Variants in FRMD5 observed in about 807,000 individuals in gnomAD.
FRMD5 encodes FERM domain-containing protein 5.
A neutral mutation model predicts 69.0 loss-of-function variants in FRMD5; 20 were observed. The observed-to-expected ratio is 0.29, with a 90% CI of 0.20 to 0.42. The LOEUF is 0.42. Among genes scored for constraint, FRMD5 ranks in the 10% least tolerant of loss-of-function variants. FRMD5 has a pLI of 1.00. For missense variants in FRMD5, 595 were observed against 708.6 expected (o/e 0.84, Z 1.82); for synonymous variants, 271 against 260.1 (o/e 1.04, Z -0.40).
intron 1 of FRMD5, among the ~76,000 whole-genome samples, chr15:43,988,849 C>G (rs1042735809): frequency 5.9e-5 from 9 of 152,060 alleles, no homozygotes; most frequent in Non-Finnish European, 1.3e-4. Flanking sequence ...GAACAATGTA[C>G]AATGAAAGTC....
intron 1 of FRMD5, among the ~76,000 whole-genome samples, chr15:43,937,321 G>A (rs149738974): frequency 5.9e-5 from 9 of 152,184 alleles, no homozygotes; most frequent in South Asian, 2.1e-4. Flanking sequence ...AATAAACTCC[G>A]GGACAGAGTT....
chr15:44,036,099 T>C (rs1045620459), intron 1 of FRMD5, among the ~76,000 whole-genome samples: 7 of 152,154 alleles, frequency 4.6e-5, no homozygotes, highest in Admixed American at 2.0e-4. Flanking sequence ...TAACGCAGCA[T>C]TGCCCATAAT....
chr15:43,875,926 C>A, intron 13 of FRMD5: 2 of 1,003,872 alleles, frequency 2.0e-6, no homozygotes, highest in Non-Finnish European at 3.2e-6. Context: ...ACAGGCTTAT[C>A]CATCACACTT....
intron 1 of FRMD5, among the ~76,000 whole-genome samples, chr15:44,132,063 A>C (rs577357289): frequency 6.6e-6 from 1 of 152,304 alleles, no homozygotes; most frequent in African/African-American, 2.4e-5. Context: ...AATGGGAGAC[A>C]GTGACACATC....
At chr15:44,050,148 T>C (rs974925877) in intron 1 of FRMD5, among the ~76,000 whole-genome samples, 4 of 152,208 alleles carry the variant, frequency 2.6e-5, no homozygotes, top group African/African-American at 9.6e-5. Flanking sequence ...CTATGAATTA[T>C]TAATGCAGAA....
chr15:44,141,225 CA>C (rs562166652), intron 1 of FRMD5, among the ~76,000 whole-genome samples: 101 of 151,318 alleles, frequency 6.7e-4, no homozygotes, highest in South Asian at 1.7e-3. Flanking sequence ...CAAATTATGC[CA>C]AAAAAAATCA....
intron 1 of FRMD5, among the ~76,000 whole-genome samples, chr15:44,188,907 A>G (rs1246990032): frequency 2.6e-5 from 4 of 152,028 alleles, no homozygotes; most frequent in Non-Finnish European, 5.9e-5. Context: ...GCAGCAGATG[A>G]GGTCATGGTA....
chr15:44,195,439 G>A (rs530752790), upstream of FRMD5, among the ~76,000 whole-genome samples: 6 of 152,304 alleles, frequency 3.9e-5, no homozygotes, highest in South Asian at 2.1e-4. Context: ...AAAAGCAGTC[G>A]GACCTAGTCA....
chr15:44,160,180 C>G (rs1172608737), intron 1 of FRMD5, among the ~76,000 whole-genome samples: 1 of 152,166 alleles, frequency 6.6e-6, no homozygotes, highest in Non-Finnish European at 1.5e-5. Context: ...ATGGTTAAAC[C>G]CTGTCTCTAC....
intron 13 of FRMD5, among the ~76,000 whole-genome samples, chr15:43,882,332 A>G (rs1437658397): frequency 1.3e-5 from 2 of 152,122 alleles, no homozygotes; most frequent in African/African-American, 4.8e-5. Context: ...AGACAGTGGT[A>G]AGATATGCAG....
At chr15:43,909,642 G>A (rs892502215) in intron 5 of FRMD5, among the ~76,000 whole-genome samples, 1 of 151,834 alleles carries the variant, frequency 6.6e-6, no homozygotes, top group Non-Finnish European at 1.5e-5. Context: ...CACCACACTG[G>A]CTAACTTTCG....
At chr15:43,986,704 T>C (rs1340509397) in intron 1 of FRMD5, among the ~76,000 whole-genome samples, 1 of 110,344 alleles carries the variant, frequency 9.1e-6, no homozygotes, top group South Asian at 3.6e-4. Flanking sequence ...GCAAGTACTG[T>C]TAAAGTACTT....
chr15:43,895,974 G>C (rs921128214), intron 7 of FRMD5, among the ~76,000 whole-genome samples: 1 of 152,212 alleles, frequency 6.6e-6, no homozygotes, highest in Non-Finnish European at 1.5e-5. Context: ...GAGGGAATGA[G>C]GACAAGGTGA....
At chr15:43,989,227 G>C in intron 1 of FRMD5, 1 of 805,872 alleles carries the variant, frequency 1.2e-6, no homozygotes, top group South Asian at 1.3e-5. Context: ...TGTGCTGGGC[G>C]CCAGGGTGGT....
At chr15:43,971,805 C>T (rs1229386799) in intron 1 of FRMD5, among the ~76,000 whole-genome samples, 4 of 150,382 alleles carry the variant, frequency 2.7e-5, no homozygotes, top group African/African-American at 9.7e-5. Flanking sequence ...CTCCCGGGTT[C>T]AAGCGATTCT....
At chr15:43,911,992 C>T (rs900110440) in intron 4 of FRMD5, among the ~76,000 whole-genome samples, 4 of 152,180 alleles carry the variant, frequency 2.6e-5, no homozygotes, top group African/African-American at 4.8e-5. Flanking sequence ...CTCTCCTCAG[C>T]GCTTGCTACT....
At chr15:44,178,356 A>C (rs2077937216) in intron 1 of FRMD5, among the ~76,000 whole-genome samples, 1 of 152,088 alleles carries the variant, frequency 6.6e-6, no homozygotes, top group Non-Finnish European at 1.5e-5. Context: ...ATTAAAAGGC[A>C]AGTTTACATT....
intron 12 of FRMD5, 119 bp from the exon 13 acceptor site, chr15:43,883,928 T>C (rs1014698507): frequency 4.1e-6 from 3 of 733,632 alleles, no homozygotes; most frequent in Non-Finnish European, 4.8e-6. Context: ...GTCTCTCTCT[T>C]TTTTAAAATC....
intron 1 of FRMD5, among the ~76,000 whole-genome samples, chr15:44,032,882 C>G (rs1411188282): frequency 6.6e-6 from 1 of 152,160 alleles, no homozygotes; most frequent in Non-Finnish European, 1.5e-5. Flanking sequence ...GAAGATAAAT[C>G]ATTTTGCCAT....
Sources: gnomAD v4.1 joint callset for allele counts (sites outside exome capture counted in the v4.1 genomes callset) on GRCh38, gnomAD v4.1.1 for gene constraint, MANE v1.5 for transcripts, NCBI Gene and HGNC (gene_info 2026-07-23, HGNC 2026-07-21) for gene names.